ANP32B: variants seen among roughly 807,000 people sequenced by gnomAD.
The protein encoded by ANP32B is acidic nuclear phosphoprotein 32 family member B, also known as acidic leucine-rich nuclear phosphoprotein 32 family member B.
A neutral mutation model predicts 32.2 loss-of-function variants in ANP32B; 6 were observed. The ratio of observed to expected loss-of-function variants is 0.19; its 90% CI spans 0.10 to 0.37. ANP32B has a LOEUF of 0.37. Among genes scored for constraint, ANP32B ranks in the 10% least tolerant of loss-of-function variants. The pLI is 1.00. For synonymous variants in ANP32B, 98 were observed against 105.8 expected (o/e 0.93, Z 0.45); for missense variants, 204 against 289.2 (o/e 0.71, Z 2.14).
chr9:98,011,221 C>T, intron 4 of ANP32B, 50 bp from the exon 5 acceptor site: 1 of 1,538,178 alleles, frequency 6.5e-7, no homozygotes, highest in Non-Finnish European at 8.8e-7. Flanking sequence ...CACTTTGTCC[C>T]CTGTGGAGCG....
intron 6 of ANP32B, among the ~76,000 whole-genome samples, chr9:98,014,203 C>T (rs143283770): frequency 2.8e-4 from 43 of 152,112 alleles, no homozygotes; most frequent in Non-Finnish European, 5.6e-4. Context: ...GTCAGGAGAT[C>T]GAGACCATCC....
intron 6 of ANP32B, among the ~76,000 whole-genome samples, chr9:98,014,564 G>C (rs571639397): frequency 6.6e-6 from 1 of 152,170 alleles, no homozygotes; most frequent in Admixed American, 6.6e-5. Flanking sequence ...GTTAATATTA[G>C]TTTGCTACAA....
intron 3 of ANP32B, among the ~76,000 whole-genome samples, chr9:98,000,191 C>G (rs1827966860): frequency 6.6e-6 from 1 of 152,200 alleles, no homozygotes; most frequent in Non-Finnish European, 1.5e-5. Flanking sequence ...TTAGGCCAGG[C>G]TGGTCTTGAA....
At chr9:98,005,826 T>C (rs1356910062) in intron 4 of ANP32B, among the ~76,000 whole-genome samples, 1 of 152,158 alleles carries the variant, frequency 6.6e-6, no homozygotes, top group African/African-American at 2.4e-5. Context: ...TCTTAAGTCT[T>C]CCTACTTCAG....
At chr9:97,997,531 A>T (rs1429300854) in intron 2 of ANP32B, among the ~76,000 whole-genome samples, 1 of 152,242 alleles carries the variant, frequency 6.6e-6, no homozygotes, top group Non-Finnish European at 1.5e-5. Context: ...TCATAGGCCC[A>T]CTACAGTAAC....
At chr9:98,014,997 C>G (rs1237739242) in intron 6 of ANP32B, among the ~76,000 whole-genome samples, 1 of 152,224 alleles carries the variant, frequency 6.6e-6, no homozygotes, top group East Asian at 1.9e-4. Context: ...AGGTGATCTG[C>G]CTGCCTTGGC....
In ANP32B at chr9:97,996,943, A is replaced by T. The variant is rs2131584988; in HGVS notation, c.205-1613A>T. Among the ~76,000 whole-genome samples, 4 of 152,308 alleles carry T rather than the reference A, an allele frequency of 2.6e-5. No individual in the cohort carries two copies. The South Asian group carries it at 6.2e-4, about 24-fold the overall frequency. On this transcript the variant is annotated intron_variant, in intron 2 of 6. Coordinates refer to ENST00000339399, the MANE Select transcript of ANP32B (RefSeq NM_006401.3). ...AGAAATAAGTACTGAAAAAAAATTG[A>T]TGTGTAAATGTCACAAATTTTCTAA...
At chr9:98,003,874 T>A (rs1303996024) in intron 3 of ANP32B, among the ~76,000 whole-genome samples, 1 of 152,202 alleles carries the variant, frequency 6.6e-6, no homozygotes, top group Non-Finnish European at 1.5e-5. Flanking sequence ...TATCCAGATA[T>A]ATGTAGTTAT....
intron 1 of ANP32B, among the ~76,000 whole-genome samples, chr9:97,991,081 C>T (rs1388066168): frequency 6.6e-6 from 1 of 151,474 alleles, no homozygotes; most frequent in Admixed American, 6.6e-5. Flanking sequence ...CTCAGCCTCC[C>T]AAAGTGGTTG....
rs186804852 is a variant in ANP32B, at chr9:98,006,947, C to T, written c.517+1794C>T. 3.2e-4 allele frequency among the ~76,000 whole-genome samples: 49 copies of T among 151,832 alleles called. No individual in the cohort carries two copies. The South Asian group carries it at 3.8e-3, about 12-fold the overall frequency. On this transcript the variant is annotated intron_variant, in intron 4 of 6. Coordinates refer to ENST00000339399, the MANE Select transcript of ANP32B (RefSeq NM_006401.3). ...AGGTTGCAGTGAGCCGAGATTGTGC[C>T]GCTGTGCTTTAGCCTGGGCGATAGA...
Position 97,984,684 on chromosome 9 carries a change from GA to G in ANP32B, c.54+1076del, listed in dbSNP as rs1399321737. The G allele has an allele frequency of 3.3e-5, 5 of 149,946 alleles. No individual in the cohort carries two copies. The East Asian group carries it at 1.0e-3, about 30-fold the overall frequency. 9.3% of individuals were successfully genotyped at this position (149,946 alleles called of 1,614,324 possible). On this transcript the variant is annotated intron_variant, in intron 1 of 6. Transcript: ENST00000339399. ...GCTGGCGGCCGCCTCTTCCCGCGCC[GA>G]GCCCTCGGTCTGTTTCCCCCCGCCC...
At chr9:97,988,341 G>T (rs10984650) in intron 1 of ANP32B, among the ~76,000 whole-genome samples, 36,415 of 151,832 alleles carry the variant, frequency 0.24, 4,747 homozygotes, top group Non-Finnish European at 0.3. Context: ...AATGGTTCCC[G>T]TCTTTAAATA....
Position 97,983,498 on chromosome 9 carries a change from C to CT in ANP32B, c.-57dup. 1 of 1,471,790 alleles carries CT rather than the reference C, an allele frequency of 6.8e-7. No individual in the cohort carries two copies. Among genetic ancestry groups the CT allele is most frequent in the Non-Finnish European group, 9.2e-7 (1 of 1,084,458 alleles). 91.2% of individuals were successfully genotyped at this position (1,471,790 alleles called of 1,614,324 possible). A position where few individuals can be genotyped will look rare whatever the true frequency, so the allele number is the denominator to read the frequency against. ...CCTCGCTGCGCAAGCCGGGACGCCT[C>CT]TCCCCCCTCCGCCCCCGCCGCGGAA... On this transcript the variant is annotated 5_prime_UTR_variant, in exon 1 of 7. Coordinates refer to ENST00000339399, the MANE Select transcript of ANP32B (RefSeq NM_006401.3).
intron 1 of ANP32B, among the ~76,000 whole-genome samples, chr9:97,989,911 A>G (rs1827795481): frequency 6.6e-6 from 1 of 152,210 alleles, no homozygotes. Flanking sequence ...TTATCTGGCT[A>G]AAAGCAAATA....
At chr9:97,983,961 TCCCGGGATGCGCGGCCGGGCGGAGG>T (rs1322059353) in intron 1 of ANP32B, among the ~76,000 whole-genome samples, 152 of 151,034 alleles carry the variant, frequency 1.0e-3, no homozygotes, top group Non-Finnish European at 1.9e-3. Context: ...GTTTGCAGCC[TCCCGGGATGCGCGGCCGGGCGGAGG>T]CCCGGCCTGC....
chr9:97,991,204 C>T (rs1487373226), intron 1 of ANP32B, among the ~76,000 whole-genome samples: 1 of 151,972 alleles, frequency 6.6e-6, no homozygotes, highest in African/African-American at 2.4e-5. Flanking sequence ...CAACCTGGAC[C>T]TCCTGGGCTC....
Position 98,004,956 on chromosome 9 carries a change from T to C in ANP32B, c.328-8T>C. On this transcript the variant is annotated splice_region_variant and splice_polypyrimidine_tract_variant and intron_variant, in intron 3 of 6. Coordinates refer to ENST00000339399, the MANE Select transcript of ANP32B (RefSeq NM_006401.3). ...TTAGGAGTTGTGGTTTTTGATCCTT[T>C]TCTTCAGAAAAAGTTAGAATGTCTG... 1 of 1,599,328 alleles carries C rather than the reference T, an allele frequency of 6.3e-7. No homozygotes were observed. The highest frequency in any genetic ancestry group is 2.2e-5 in the East Asian group (1 of 44,672).
chr9:98,008,302 C>T (rs1828122164), intron 4 of ANP32B, among the ~76,000 whole-genome samples: 1 of 152,134 alleles, frequency 6.6e-6, no homozygotes, highest in Admixed American at 6.6e-5. Flanking sequence ...AGAGAGTGAG[C>T]CAGGGCCTTC....
rs192702858 is a variant in ANP32B, at chr9:98,007,591, A to G, written c.517+2438A>G. On this transcript the variant is annotated intron_variant, in intron 4 of 6. Transcript: ENST00000339399. ...ATTCAAGTCTTTTGAACGATTACAT[A>G]TCAGGAAAACTGAATTGGTCATTTT... Among the ~76,000 whole-genome samples, 8 of 152,352 alleles carry G rather than the reference A, an allele frequency of 5.3e-5. No individual in the cohort carries two copies. In the East Asian group the frequency reaches 1.5e-3, roughly 29 times the overall value.
Sources: gnomAD v4.1 joint callset for allele counts (sites outside exome capture counted in the v4.1 genomes callset) on GRCh38, gnomAD v4.1.1 for gene constraint, MANE v1.5 for transcripts, NCBI Gene and HGNC (gene_info 2026-07-23, HGNC 2026-07-21) for gene names.